The following ADK variants were observed in gnomAD, a reference collection of about 807,000 sequenced individuals.
ADK encodes the protein adenosine kinase.
A neutral mutation model predicts 44.7 loss-of-function variants in ADK; 24 were observed. That is an observed-to-expected ratio of 0.54 (90% CI 0.39 to 0.76). The LOEUF is 0.76. Ranked by LOEUF, ADK falls within the 30% of genes least tolerant of loss-of-function variation. The pLI is 0.00. For synonymous variants in ADK, 128 were observed against 142.6 expected, an observed-to-expected ratio of 0.90 and a Z score of 0.73; for missense variants, 321 against 425.1, an observed-to-expected ratio of 0.76 and a Z score of 2.15.
At chr10:74,220,335 C>A (rs1430416976) in intron 2 of ADK, among the ~76,000 whole-genome samples, 1 of 152,194 alleles carries the variant, frequency 6.6e-6, no homozygotes, top group East Asian at 1.9e-4. Flanking sequence ...AGTTGAATCT[C>A]TGAACAGACC....
intron 1 of ADK, among the ~76,000 whole-genome samples, chr10:74,169,647 A>T (rs1842111934): frequency 6.6e-6 from 1 of 152,258 alleles, no homozygotes; most frequent in African/African-American, 2.4e-5. Context: ...GAAATGTGAC[A>T]TATAAGAATC....
At chr10:74,548,368 TC>T (rs1271954504) in intron 7 of ADK, among the ~76,000 whole-genome samples, 1 of 152,228 alleles carries the variant, frequency 6.6e-6, no homozygotes, top group Non-Finnish European at 1.5e-5. Context: ...TCTTTTTGAT[TC>T]TGAATACAAT....
At chr10:74,499,426 C>T (rs973499719) in intron 6 of ADK, among the ~76,000 whole-genome samples, 4 of 152,124 alleles carry the variant, frequency 2.6e-5, no homozygotes, top group African/African-American at 4.8e-5. Flanking sequence ...CAATGGCTCA[C>T]GCCTGTAATC....
In ADK at chr10:74,605,595, G is replaced by C. The variant is rs188592779; in HGVS notation, c.877+5102G>C. ...AGCCTTGCATCCCAGGGATGAAGCC[G>C]ACTTGATCATGATAGATAAGCTTTT... is the stretch of plus-strand genomic sequence containing the variant. On this transcript the variant is annotated intron_variant, in intron 9 of 10. Coordinates refer to ENST00000539909, the MANE Select transcript of ADK (RefSeq NM_006721.4). Among the ~76,000 whole-genome samples the C allele has an allele frequency of 9.2e-5, 14 of 152,232 alleles. No homozygotes were observed. In the East Asian group the frequency reaches 2.7e-3, roughly 29 times the overall value.
intron 1 of ADK, among the ~76,000 whole-genome samples, chr10:74,159,841 C>T (rs891514011): frequency 6.6e-6 from 1 of 152,186 alleles, no homozygotes; most frequent in East Asian, 1.9e-4. Context: ...GATCCACCTG[C>T]CTTGGCCTCC....
At chr10:74,482,248 CA>C (rs1420122727) in intron 6 of ADK, among the ~76,000 whole-genome samples, 1 of 152,134 alleles carries the variant, frequency 6.6e-6, no homozygotes, top group Non-Finnish European at 1.5e-5. Context: ...GAAGGGGAAG[CA>C]GGCACATCTT....
chr10:74,527,717 GT>G lies in ADK; in HGVS notation c.726+2295del, dbSNP rs2133641555. 1.2e-5 allele frequency: 17 copies of G among 1,439,376 alleles called. 1 individual carries two copies. The South Asian group carries it at 1.8e-4, about 15-fold the overall frequency. 89.2% of individuals were successfully genotyped at this position (1,439,376 alleles called of 1,614,324 possible). On this transcript the variant is annotated intron_variant, in intron 7 of 10. Transcript: ENST00000539909. Reference sequence around the variant, plus strand: ...CTTATTTCTGCATTGTCCACTGGACGTTTTAGTCATATTCAGACACCAGTTG... The same window carrying G: ...CTTATTTCTGCATTGTCCACTGGACGTTTAGTCATATTCAGACACCAGTTG...
At chr10:74,654,272 C>A (rs1191167857) in intron 9 of ADK, among the ~76,000 whole-genome samples, 1 of 152,148 alleles carries the variant, frequency 6.6e-6, no homozygotes, top group East Asian at 1.9e-4. Flanking sequence ...ATAATTGGGA[C>A]CAGGCCGCTA....
At chr10:74,441,748 A>G (rs952650891) in intron 6 of ADK, among the ~76,000 whole-genome samples, 1 of 152,188 alleles carries the variant, frequency 6.6e-6, no homozygotes, top group East Asian at 1.9e-4. Context: ...CTGCACAGCA[A>G]AGGAGACAAC....
intron 2 of ADK, among the ~76,000 whole-genome samples, chr10:74,219,516 G>A (rs1271244434): frequency 2.0e-5 from 3 of 152,042 alleles, no homozygotes; most frequent in African/African-American, 4.8e-5. Flanking sequence ...GCACCAAGCA[G>A]ACCTAATAGA....
At chr10:74,348,934 T>C (rs967841379) in intron 4 of ADK, among the ~76,000 whole-genome samples, 3 of 151,708 alleles carry the variant, frequency 2.0e-5, no homozygotes, top group African/African-American at 7.3e-5. Context: ...AAACCTATGA[T>C]TGATTGGTGT....
chr10:74,495,378 A>G (rs897261289), intron 6 of ADK, among the ~76,000 whole-genome samples: 1 of 150,890 alleles, frequency 6.6e-6, no homozygotes, highest in African/African-American at 2.4e-5. Flanking sequence ...GTGCATTTAT[A>G]TTTAAGAGTG....
chr10:74,515,146 C>T (rs1316658387), intron 6 of ADK, among the ~76,000 whole-genome samples: 4 of 152,158 alleles, frequency 2.6e-5, no homozygotes, highest in Admixed American at 1.3e-4. Context: ...AGAAAGAATA[C>T]GAATGAGTCT....
chr10:74,490,326 A>G (rs1170238124), intron 6 of ADK, among the ~76,000 whole-genome samples: 1 of 152,122 alleles, frequency 6.6e-6, no homozygotes, highest in African/African-American at 2.4e-5. Flanking sequence ...AACATATGGT[A>G]ATGTGTTATG....
At chr10:74,644,259 G>A (rs1341523721) in intron 9 of ADK, among the ~76,000 whole-genome samples, 3 of 152,170 alleles carry the variant, frequency 2.0e-5, no homozygotes, top group South Asian at 2.1e-4. Context: ...TGCTCTGTAA[G>A]AGCTCCTCTT....
chr10:74,567,494 T>A (rs1480681309), intron 7 of ADK, among the ~76,000 whole-genome samples: 2 of 152,154 alleles, frequency 1.3e-5, no homozygotes, highest in Non-Finnish European at 2.9e-5. Context: ...TACTTTCCAC[T>A]CCTCTGCTCA....
chr10:74,610,994 T>A (rs1320130766), intron 9 of ADK, among the ~76,000 whole-genome samples: 1 of 152,050 alleles, frequency 6.6e-6, no homozygotes, highest in Non-Finnish European at 1.5e-5. Flanking sequence ...TGTTTCCAAT[T>A]AAATAGGTCC....
chr10:74,419,481 C>G (rs1181047408), intron 6 of ADK, among the ~76,000 whole-genome samples: 2 of 152,166 alleles, frequency 1.3e-5, no homozygotes, highest in African/African-American at 4.8e-5. Context: ...TGCCTCTGCT[C>G]TCCAGATTTC....
intron 7 of ADK, among the ~76,000 whole-genome samples, chr10:74,585,783 C>G (rs1851508173): frequency 1.3e-5 from 2 of 152,220 alleles, no homozygotes; most frequent in South Asian, 4.1e-4. Context: ...GGATTTTAAC[C>G]TGACTGCTTC....
Sources: gnomAD v4.1 joint callset for allele counts (sites outside exome capture counted in the v4.1 genomes callset) on GRCh38, gnomAD v4.1.1 for gene constraint, MANE v1.5 for transcripts, NCBI Gene and HGNC (gene_info 2026-07-23, HGNC 2026-07-21) for gene names.